The following CAMK4 variants were observed in gnomAD, a reference collection of about 807,000 sequenced individuals.
CAMK4 encodes the protein calcium/calmodulin dependent protein kinase IV.
In CAMK4, 22 loss-of-function variants were observed where a neutral mutation model predicts 44.9. The ratio of observed to expected loss-of-function variants is 0.49; its 90% CI spans 0.35 to 0.70. The LOEUF (loss-of-function observed/expected upper bound fraction) is 0.70. Ranked by LOEUF, CAMK4 falls within the 30% of genes least tolerant of loss-of-function variation. CAMK4 has a pLI of 0.01. For missense variants in CAMK4, 498 were observed against 586.8 expected, an observed-to-expected ratio of 0.85 and a Z score of 1.56; for synonymous variants, 218 against 215.4, an observed-to-expected ratio of 1.01 and a Z score of -0.11.
chr5:111,351,190 G>A (rs1466044304), intron 2 of CAMK4, among the ~76,000 whole-genome samples: 1 of 151,978 alleles, frequency 6.6e-6, no homozygotes, highest in African/African-American at 2.4e-5. Context: ...TACATCTCAT[G>A]TCAACTTCCC....
chr5:111,471,722 C>T (rs995495839), intron 7 of CAMK4, among the ~76,000 whole-genome samples: 1 of 152,032 alleles, frequency 6.6e-6, no homozygotes, highest in African/African-American at 2.4e-5. Context: ...TTTACCATGA[C>T]CTTTTGAAGA....
At chr5:111,227,292 C>G (rs1748237463) in intron 1 of CAMK4, among the ~76,000 whole-genome samples, 1 of 152,190 alleles carries the variant, frequency 6.6e-6, no homozygotes, top group Non-Finnish European at 1.5e-5. Flanking sequence ...CACTAGAGAT[C>G]AAGTTGAACT....
At chr5:111,429,252 G>GA (rs1433398887) in intron 5 of CAMK4, among the ~76,000 whole-genome samples, 2 of 151,866 alleles carry the variant, frequency 1.3e-5, no homozygotes, top group Admixed American at 6.6e-5. Flanking sequence ...GCCAGACTAA[G>GA]AAAAAAAGAG....
chr5:111,412,110 A>G (rs1190898179), intron 5 of CAMK4, among the ~76,000 whole-genome samples: 1 of 152,210 alleles, frequency 6.6e-6, no homozygotes, highest in African/African-American at 2.4e-5. Context: ...AACTAAAAAT[A>G]GTAAAGTGCA....
rs139102414 is a variant in CAMK4, at chr5:111,301,883, A to C, written c.162-42141A>C. 3.6e-3 allele frequency among the ~76,000 whole-genome samples: 547 copies of C among 152,188 alleles called. 5 individuals carry two copies. The highest frequency in any genetic ancestry group is 0.012 in the African/African-American group (508 of 41,510). On this transcript the variant is annotated intron_variant, in intron 1 of 10. Coordinates refer to ENST00000282356, the MANE Select transcript of CAMK4 (RefSeq NM_001744.6). ...CGGTCATTTATTCTCTCTACAGTTC[A>C]CTTGCAAGATGATTAAATTTAGTTG...
At chr5:111,291,819 T>G (rs1747276294) in intron 1 of CAMK4, among the ~76,000 whole-genome samples, 3 of 152,194 alleles carry the variant, frequency 2.0e-5, no homozygotes, top group African/African-American at 7.2e-5. Context: ...CCTATATTTT[T>G]AAACCTGTAT....
intron 2 of CAMK4, among the ~76,000 whole-genome samples, chr5:111,371,616 A>C (rs1469777870): frequency 6.6e-6 from 1 of 152,212 alleles, no homozygotes; most frequent in Non-Finnish European, 1.5e-5. Flanking sequence ...CATTCATTAC[A>C]TAGAAACTAA....
rs1221817070 is a variant in CAMK4, at chr5:111,359,466, C to T, written c.240+15364C>T. 1.3e-4 allele frequency among the ~76,000 whole-genome samples: 2 copies of T among 15,344 alleles called. 1 individual carries two copies. The highest frequency in any genetic ancestry group is 2.9e-4 in the African/African-American group (2 of 6,920). 10.1% of individuals were successfully genotyped at this position (15,344 alleles called of 152,430 possible). A position where few individuals can be genotyped will look rare whatever the true frequency, so the allele number is the denominator to read the frequency against. On this transcript the variant is annotated intron_variant, in intron 2 of 10. Transcript: ENST00000282356. ...ACGTTTTTAAGTTCAGGATATTAGACCTTTGCCAGATGCGTACTTTGCAAA... is the reference window on the plus strand; with the variant it reads ...ACGTTTTTAAGTTCAGGATATTAGATCTTTGCCAGATGCGTACTTTGCAAA...
intron 5 of CAMK4, among the ~76,000 whole-genome samples, chr5:111,411,798 T>C (rs1399949202): frequency 6.6e-6 from 1 of 152,186 alleles, no homozygotes; most frequent in African/African-American, 2.4e-5. Context: ...GAATAAAAAA[T>C]ATGAACTTTT....
intron 5 of CAMK4, among the ~76,000 whole-genome samples, chr5:111,419,710 C>G (rs1195382893): frequency 6.6e-6 from 1 of 152,060 alleles, no homozygotes; most frequent in Non-Finnish European, 1.5e-5. Flanking sequence ...AATCCTTTCC[C>G]CATTTCTTGT....
At position 111,413,050 on chromosome 5, in the gene CAMK4, A is replaced by C. The variant is rs146131258; in HGVS notation, c.459+18268A>C. ...GCTTCAATAAAAGTTGCTGTCTAAC[A>C]TCATGGGCTCGCCCTTGAATTCTTT... On this transcript the variant is annotated intron_variant, in intron 5 of 10. Coordinates refer to ENST00000282356, the MANE Select transcript of CAMK4 (RefSeq NM_001744.6). Among the ~76,000 whole-genome samples, 76 of 152,256 alleles carry C rather than the reference A, an allele frequency of 5.0e-4. 1 individual carries two copies. The East Asian group carries it at 0.012, about 23-fold the overall frequency.
intron 1 of CAMK4, among the ~76,000 whole-genome samples, chr5:111,228,226 C>T (rs562096165): frequency 1.4e-4 from 22 of 152,270 alleles, no homozygotes; most frequent in African/African-American, 1.9e-4. Context: ...ATAATTAGAA[C>T]AAGAGAAGAA....
rs144677431 is a variant in CAMK4, at chr5:111,467,605, C to T, written c.626-5706C>T. ...GCTAACAAACATATGAAAAAAATGC[C>T]TAACATCACTAATGATCAGGGAATT... is the stretch of plus-strand genomic sequence containing the variant. On this transcript the variant is annotated intron_variant, in intron 7 of 10. Coordinates refer to ENST00000282356, the MANE Select transcript of CAMK4 (RefSeq NM_001744.6). Among the ~76,000 whole-genome samples the T allele has an allele frequency of 6.6e-5, 10 of 152,112 alleles. No individual in the cohort carries two copies. The East Asian group carries it at 1.5e-3, about 24-fold the overall frequency.
intron 7 of CAMK4, among the ~76,000 whole-genome samples, chr5:111,462,821 G>A (rs1230469471): frequency 6.6e-6 from 1 of 152,156 alleles, no homozygotes; most frequent in African/African-American, 2.4e-5. Flanking sequence ...TAGTTACAAT[G>A]ATTTTATTTG....
intron 5 of CAMK4, among the ~76,000 whole-genome samples, chr5:111,440,866 A>T (rs1303438364): frequency 6.6e-6 from 1 of 152,208 alleles, no homozygotes; most frequent in African/African-American, 2.4e-5. Flanking sequence ...GCTCAATGTG[A>T]TGTATTTTAC....
chr5:111,396,365 C>T (rs560662274), intron 5 of CAMK4, among the ~76,000 whole-genome samples: 1 of 152,058 alleles, frequency 6.6e-6, no homozygotes, highest in Non-Finnish European at 1.5e-5. Flanking sequence ...ATATCAAATT[C>T]ATCTTCTCAC....
chr5:111,319,051 C>T (rs1323417122), intron 1 of CAMK4, among the ~76,000 whole-genome samples: 1 of 152,094 alleles, frequency 6.6e-6, no homozygotes, highest in South Asian at 2.1e-4. Flanking sequence ...TTTTAAATCT[C>T]CAAGCCAGTA....
At chr5:111,357,225 G>A (rs1750401225) in intron 2 of CAMK4, among the ~76,000 whole-genome samples, 1 of 152,086 alleles carries the variant, frequency 6.6e-6, no homozygotes, top group Non-Finnish European at 1.5e-5. Flanking sequence ...GTAGAAGCAG[G>A]AGTTTAAGAA....
chr5:111,401,362 G>A (rs1450279277), intron 5 of CAMK4, among the ~76,000 whole-genome samples: 1 of 152,050 alleles, frequency 6.6e-6, no homozygotes. Context: ...TGTCAGTACT[G>A]CATTTCTTCA....
Sources: allele counts gnomAD v4.1 joint callset (sites outside exome capture counted in the v4.1 genomes callset), GRCh38; gene constraint gnomAD v4.1.1; transcripts MANE v1.5; gene names NCBI Gene and HGNC (gene_info 2026-07-23, HGNC 2026-07-21).